The following MPHOSPH9 variants were observed in gnomAD, a reference collection of about 807,000 sequenced individuals.
MPHOSPH9 encodes M-phase phosphoprotein 9.
A neutral mutation model predicts 145.5 loss-of-function variants in MPHOSPH9; 88 were observed. That is an observed-to-expected ratio of 0.60 (90% CI 0.51 to 0.72). The LOEUF is 0.72. MPHOSPH9 is among the 30% of genes least tolerant of loss of function. MPHOSPH9 has a pLI of 0.00. For synonymous variants in MPHOSPH9, 435 were observed against 486.2 expected, an observed-to-expected ratio of 0.89 and a Z score of 1.39; for missense variants, 1,238 against 1,386.6, an observed-to-expected ratio of 0.89 and a Z score of 1.70.
intron 13 of MPHOSPH9, among the ~76,000 whole-genome samples, chr12:123,182,678 A>G (rs1473623032): frequency 2.0e-4 from 30 of 146,702 alleles, no homozygotes; most frequent in Middle Eastern, 3.8e-3. Flanking sequence ...GTGGGAGGCC[A>G]AGGTGGGTGG....
intron 21 of MPHOSPH9, 23 bp from the exon 22 acceptor site, chr12:123,161,406 C>G (rs200635612): frequency 1.2e-6 from 2 of 1,609,396 alleles, no homozygotes; most frequent in East Asian, 4.5e-5. Flanking sequence ...AGAGAAATTG[C>G]TTATATTTCT....
At chr12:123,201,150 A>G (rs1273022403) in intron 11 of MPHOSPH9, among the ~76,000 whole-genome samples, 1 of 152,204 alleles carries the variant, frequency 6.6e-6, no homozygotes, top group Non-Finnish European at 1.5e-5. Flanking sequence ...AACATTCAAT[A>G]AGACAGCCAT....
downstream of MPHOSPH9, among the ~76,000 whole-genome samples, chr12:123,153,764 C>CA (rs57564688): frequency 0.23 from 24,947 of 106,840 alleles, 3,943 homozygotes; most frequent in African/African-American, 0.54. Flanking sequence ...GACTCCATCT[C>CA]AAAAAAAAAA....
At chr12:123,227,105 G>A (rs959845883) in intron 3 of MPHOSPH9, among the ~76,000 whole-genome samples, 1 of 152,184 alleles carries the variant, frequency 6.6e-6, no homozygotes, top group Admixed American at 6.5e-5. Flanking sequence ...ATATTTCAAA[G>A]TGGATTTAGG....
At chr12:123,236,873 CAGGAGT>C (rs539983835), upstream of MPHOSPH9, among the ~76,000 whole-genome samples, 720 of 152,190 alleles carry the variant, frequency 4.7e-3, 8 homozygotes, top group Middle Eastern at 0.02. Context: ...CGCCTGAGGT[CAGGAGT>C]TCAACACCAG....
chr12:123,236,485 G>C (rs1318580057), upstream of MPHOSPH9, among the ~76,000 whole-genome samples: 3 of 151,700 alleles, frequency 2.0e-5, no homozygotes, highest in Non-Finnish European at 2.9e-5. Flanking sequence ...CCCAGCTACT[G>C]GGGAGGCTGA....
chr12:123,189,636 A>G (rs2138195780), intron 13 of MPHOSPH9, among the ~76,000 whole-genome samples: 1 of 152,322 alleles, frequency 6.6e-6, no homozygotes, highest in South Asian at 2.1e-4. Context: ...GTTGCATAAC[A>G]TTAAAGACAG....
chr12:123,161,419 T>A (rs1162050652), intron 21 of MPHOSPH9, 36 bp from the exon 22 acceptor site: 1 of 1,608,552 alleles, frequency 6.2e-7, no homozygotes, highest in Non-Finnish European at 8.5e-7. Flanking sequence ...ATATTTCTTA[T>A]CAATTTTTCG....
Position 123,176,805 on chromosome 12 carries a change from T to G in MPHOSPH9, c.2355-16A>C. 3.8e-6 allele frequency: 6 copies of G among 1,560,298 alleles called. No homozygotes were observed. The highest frequency in any genetic ancestry group is 5.3e-6 in the Non-Finnish European group (6 of 1,132,404). The stretch of plus-strand genomic sequence containing the variant: ...TGAAATCATTCTAATTCAAAAGCAA[T>G]AAAGATAAATTAAGTACATTTCAAC... On this transcript the variant is annotated splice_polypyrimidine_tract_variant and intron_variant, in intron 15 of 23. Transcript: ENST00000606320.
chr12:123,182,951 C>T lies in MPHOSPH9; in HGVS notation c.2242-1741G>A, dbSNP rs142815253. Among the ~76,000 whole-genome samples the T allele has an allele frequency of 4.9e-3, 679 of 137,484 alleles. 4 individuals carry two copies. The highest frequency in any genetic ancestry group is 0.018 in the African/African-American group (642 of 36,460). The allele number at this position is 137,484 out of a possible 152,430, so 90.2% of individuals were successfully genotyped here. ...ATAAGAGGCCGGGCGTGGTAGCTGACGCCTGTAATCCCAGCACTTTGGGAG... is the reference window on the plus strand; with the variant it reads ...ATAAGAGGCCGGGCGTGGTAGCTGATGCCTGTAATCCCAGCACTTTGGGAG... On this transcript the variant is annotated intron_variant, in intron 13 of 23. Transcript: ENST00000606320.
chr12:123,186,798 T>C (rs922978678), intron 13 of MPHOSPH9, among the ~76,000 whole-genome samples: 1 of 151,998 alleles, frequency 6.6e-6, no homozygotes, highest in African/African-American at 2.4e-5. Flanking sequence ...TCATCTCTAC[T>C]AAAAATGCAA....
chr12:123,203,182 G>T (rs755826900), intron 9 of MPHOSPH9, 68 bp downstream of exon 9: 42 of 1,594,186 alleles, frequency 2.6e-5, no homozygotes, highest in Non-Finnish European at 3.5e-5. Flanking sequence ...GGAAAATGAA[G>T]CTTGAGGTAA....
At chr12:123,160,725 C>A in intron 23 of MPHOSPH9, 56 bp downstream of exon 23, 3 of 1,521,978 alleles carry the variant, frequency 2.0e-6, no homozygotes, top group Non-Finnish European at 2.7e-6. Context: ...TCTTAGATAA[C>A]TGGAACACTG....
intron 16 of MPHOSPH9, among the ~76,000 whole-genome samples, chr12:123,168,242 A>G (rs1426555949): frequency 2.0e-5 from 3 of 151,306 alleles, no homozygotes; most frequent in Non-Finnish European, 4.4e-5. Flanking sequence ...CTCAACTCCT[A>G]CCACTGAGCT....
chr12:123,193,974 A>G (rs1236347208), intron 13 of MPHOSPH9, among the ~76,000 whole-genome samples: 1 of 152,212 alleles, frequency 6.6e-6, no homozygotes. Context: ...AAGTTATGTA[A>G]AACTAAAATA....
chr12:123,162,848 T>A (rs1335629325), intron 20 of MPHOSPH9, 166 bp downstream of exon 20: 4 of 599,564 alleles, frequency 6.7e-6, no homozygotes, highest in Non-Finnish European at 1.0e-5. Flanking sequence ...GTGTTCATTG[T>A]ACTGCAGTAC....
chr12:123,191,134 CA>C (rs556052818), intron 13 of MPHOSPH9, among the ~76,000 whole-genome samples: 125 of 152,118 alleles, frequency 8.2e-4, no homozygotes, highest in African/African-American at 2.9e-3. Flanking sequence ...CCAGCCTGAC[CA>C]ACATGGAGAA....
chr12:123,173,623 C>G (rs534805721), intron 16 of MPHOSPH9, among the ~76,000 whole-genome samples: 1 of 152,094 alleles, frequency 6.6e-6, no homozygotes, highest in East Asian at 1.9e-4. Flanking sequence ...CAGGCCTGTC[C>G]AATGAAACCT....
intron 15 of MPHOSPH9, 149 bp downstream of exon 15, chr12:123,179,777 C>G (rs2045046762): frequency 2.8e-6 from 1 of 359,842 alleles, no homozygotes; most frequent in South Asian, 5.6e-5. Context: ...AAAATGAAAC[C>G]TATTTCCATG....
Sources: allele counts gnomAD v4.1 joint callset (sites outside exome capture counted in the v4.1 genomes callset), GRCh38; gene constraint gnomAD v4.1.1; transcripts MANE v1.5; gene names NCBI Gene and HGNC (gene_info 2026-07-23, HGNC 2026-07-21).